The following PRKCH variants were observed in gnomAD, a reference collection of about 807,000 sequenced individuals.
The protein encoded by PRKCH is protein kinase C eta, also known as protein kinase C eta type.
PRKCH carries 28 observed loss-of-function variants against 82.5 expected under a neutral mutation model. That is an observed-to-expected ratio of 0.34 (90% CI 0.25 to 0.47). The LOEUF (loss-of-function observed/expected upper bound fraction) is 0.47. Ranked by LOEUF, PRKCH falls within the 20% of genes least tolerant of loss-of-function variation. The probability of loss-of-function intolerance (pLI) is 1.00; values close to 1 mark genes in which losing one functional copy is unlikely to be tolerated. For synonymous variants in PRKCH, 322 were observed against 327.4 expected (o/e 0.98, Z 0.18); for missense variants, 705 against 881.8 (o/e 0.80, Z 2.54).
intron 1 of PRKCH, among the ~76,000 whole-genome samples, chr14:61,236,483 G>C (rs2044788729): frequency 6.7e-6 from 1 of 150,022 alleles, no homozygotes; most frequent in Admixed American, 6.6e-5. Context: ...GCTGAGGTGG[G>C]TGGATCATGA....
chr14:61,453,148 C>A, intron 6 of PRKCH, 78 bp from the exon 7 acceptor site: 1 of 1,544,868 alleles, frequency 6.5e-7, no homozygotes, highest in Non-Finnish European at 8.9e-7. Flanking sequence ...ATCTTTTAGG[C>A]TATTAAAGTT....
intron 2 of PRKCH, among the ~76,000 whole-genome samples, chr14:61,393,329 T>C (rs1363384204): frequency 6.6e-6 from 1 of 152,210 alleles, no homozygotes; most frequent in African/African-American, 2.4e-5. Context: ...GAATTGAAAT[T>C]GTGTTGGATC....
At chr14:61,535,229 T>C (rs1008141705) in intron 12 of PRKCH, among the ~76,000 whole-genome samples, 2 of 152,192 alleles carry the variant, frequency 1.3e-5, no homozygotes, top group African/African-American at 4.8e-5. Flanking sequence ...GTGCCAGGAA[T>C]TCAGTGATGA....
intron 1 of PRKCH, among the ~76,000 whole-genome samples, chr14:61,271,275 A>C (rs1192451293): frequency 6.6e-6 from 1 of 152,040 alleles, no homozygotes; most frequent in East Asian, 1.9e-4. Context: ...TTATAGTATG[A>C]ATTTCTCTCT....
chr14:61,289,431 G>A (rs1016092047), intron 1 of PRKCH, among the ~76,000 whole-genome samples: 2 of 152,230 alleles, frequency 1.3e-5, no homozygotes, highest in African/African-American at 4.8e-5. Flanking sequence ...CCAAGGCCAG[G>A]TGCAGTGGCT....
intron 10 of PRKCH, among the ~76,000 whole-genome samples, chr14:61,510,049 A>C (rs537953097): frequency 2.0e-5 from 3 of 152,288 alleles, no homozygotes; most frequent in Admixed American, 2.0e-4. Context: ...TGCTAGGTAG[A>C]CATAGCGACA....
intron 2 of PRKCH, among the ~76,000 whole-genome samples, chr14:61,403,984 C>T (rs1223540828): frequency 6.6e-6 from 1 of 152,186 alleles, no homozygotes; most frequent in Non-Finnish European, 1.5e-5. Context: ...TTTCCAGCAA[C>T]CCCTTATCTC....
At chr14:61,392,825 T>C (rs1459123199) in intron 2 of PRKCH, among the ~76,000 whole-genome samples, 5 of 148,118 alleles carry the variant, frequency 3.4e-5, no homozygotes, top group African/African-American at 5.3e-5. Flanking sequence ...CACTAAGATA[T>C]TCTCCTGTTT....
rs1265433309 is a variant in PRKCH at position 61,280,428 on chromosome 14, G to A, written c.-19+92760G>A. On this transcript the variant is annotated intron_variant, in intron 1 of 3. Transcript: ENST00000555185. The surrounding 1 kb of genome is among the most constrained non-coding windows in gnomAD (Gnocchi z 5.0). ...CCTGATTGATGAAGCCGGTGTTGTT[G>A]GGGTCGGGGCTGAGCTCGTAGACTG... 1 of 1,614,010 alleles carries A rather than the reference G, an allele frequency of 6.2e-7. No homozygotes were observed. Among genetic ancestry groups the A allele is most frequent in the Non-Finnish European group, 8.5e-7 (1 of 1,179,890 alleles).
intron 1 of PRKCH, among the ~76,000 whole-genome samples, chr14:61,223,181 C>T (rs1477555457): frequency 1.3e-5 from 2 of 152,150 alleles, no homozygotes; most frequent in South Asian, 2.1e-4. Context: ...ATTTAAACGG[C>T]TTCAACCCAG....
intron 2 of PRKCH, among the ~76,000 whole-genome samples, chr14:61,398,265 G>C (rs1350978942): frequency 2.6e-5 from 4 of 152,130 alleles, no homozygotes; most frequent in Non-Finnish European, 4.4e-5. Flanking sequence ...TTGTCACTAT[G>C]TTGGACTAAT....
At chr14:61,234,194 T>G (rs1164511591) in intron 1 of PRKCH, among the ~76,000 whole-genome samples, 1 of 152,170 alleles carries the variant, frequency 6.6e-6, no homozygotes, top group Non-Finnish European at 1.5e-5. Context: ...AACCCACCCC[T>G]ATTAGGTCTT....
chr14:61,203,676 C>T (rs7145571), intron 1 of PRKCH, among the ~76,000 whole-genome samples: 53,588 of 151,764 alleles, frequency 0.35, 10,251 homozygotes, highest in African/African-American at 0.49. Context: ...CCGTGACCTA[C>T]GGTAAGAACA....
intron 1 of PRKCH, among the ~76,000 whole-genome samples, chr14:61,381,002 A>G (rs2046500340): frequency 6.6e-6 from 1 of 152,196 alleles, no homozygotes; most frequent in Admixed American, 6.5e-5. Flanking sequence ...GGAGGGGAGA[A>G]ATATTGCGAG....
chr14:61,422,285 A>G (rs571098256), intron 2 of PRKCH, among the ~76,000 whole-genome samples: 5 of 152,102 alleles, frequency 3.3e-5, no homozygotes, highest in African/African-American at 9.6e-5. Flanking sequence ...GGGTCTCTCT[A>G]TGTTGCCCAG....
At chr14:61,226,352 T>G (rs1188614830) in intron 1 of PRKCH, among the ~76,000 whole-genome samples, 1 of 152,202 alleles carries the variant, frequency 6.6e-6, no homozygotes, top group Admixed American at 6.5e-5. Flanking sequence ...AACGATTATA[T>G]TATTCCTTGG....
intron 1 of PRKCH, among the ~76,000 whole-genome samples, chr14:61,230,130 C>G (rs1368786899): frequency 6.6e-6 from 1 of 152,120 alleles, no homozygotes; most frequent in Non-Finnish European, 1.5e-5. Flanking sequence ...CAAAGCAAGC[C>G]TAGAGTGCAT....
intron 1 of PRKCH, among the ~76,000 whole-genome samples, chr14:61,331,735 G>A (rs2045792042): frequency 6.6e-6 from 1 of 152,114 alleles, no homozygotes; most frequent in Non-Finnish European, 1.5e-5. Flanking sequence ...TATCTCTAAA[G>A]CCTCTGCTTC....
intron 1 of PRKCH, among the ~76,000 whole-genome samples, chr14:61,235,329 T>A (rs955224627): frequency 6.6e-6 from 1 of 152,220 alleles, no homozygotes; most frequent in African/African-American, 2.4e-5. Context: ...CAGCTCACCA[T>A]GCTAATTTGT....
Sources: allele counts gnomAD v4.1 joint callset (sites outside exome capture counted in the v4.1 genomes callset), GRCh38; gene constraint gnomAD v4.1.1; non-coding constraint Gnocchi (gnomAD v3.1); transcripts MANE v1.5; gene names NCBI Gene and HGNC (gene_info 2026-07-23, HGNC 2026-07-21).